CACNG2: variants seen among roughly 807,000 people sequenced by gnomAD.
CACNG2 encodes the protein calcium voltage-gated channel auxiliary subunit gamma 2.
In CACNG2, 3 loss-of-function variants were observed where a neutral mutation model predicts 25.9. The ratio of observed to expected loss-of-function variants is 0.12; its 90% CI spans 0.05 to 0.30. The LOEUF (loss-of-function observed/expected upper bound fraction) is 0.30. CACNG2 is among the 10% of genes least tolerant of loss of function. The pLI, the probability that CACNG2 is intolerant of heterozygous loss-of-function variation, is 1.00. For missense variants in CACNG2, 341 were observed against 432.5 expected (o/e 0.79, Z 1.88); for synonymous variants, 167 against 173.3 (o/e 0.96, Z 0.29).
At chr22:36,603,915 A>G (rs142495140) in intron 1 of CACNG2, among the ~76,000 whole-genome samples, 255 of 152,346 alleles carry the variant, frequency 1.7e-3, no homozygotes, top group Non-Finnish European at 3.2e-3. Context: ...ATCAAGAAGT[A>G]ATTTTGACTT....
chr22:36,638,626 C>G (rs956745164), intron 1 of CACNG2, among the ~76,000 whole-genome samples: 1 of 152,186 alleles, frequency 6.6e-6, no homozygotes, highest in African/African-American at 2.4e-5. Flanking sequence ...CCACACTCCT[C>G]TCTTTAGTAC....
intron 1 of CACNG2, among the ~76,000 whole-genome samples, chr22:36,643,372 C>T (rs1476983497): frequency 1.3e-5 from 2 of 151,846 alleles, no homozygotes; most frequent in East Asian, 1.9e-4. Context: ...CAACTATATG[C>T]TGTGCCCTAT....
chr22:36,690,580 A>G (rs73884140), intron 1 of CACNG2, among the ~76,000 whole-genome samples: 4,658 of 152,222 alleles, frequency 0.031, 256 homozygotes, highest in African/African-American at 0.11. Flanking sequence ...TCCCACCAAA[A>G]TTTCACAAGC....
chr22:36,590,567 A>T (rs1383759789), intron 1 of CACNG2, among the ~76,000 whole-genome samples: 1 of 151,924 alleles, frequency 6.6e-6, no homozygotes, highest in Non-Finnish European at 1.5e-5. Flanking sequence ...AACTTGCCTG[A>T]TGTCTCTGAG....
At chr22:36,656,767 G>C (rs1936712324) in intron 1 of CACNG2, among the ~76,000 whole-genome samples, 1 of 152,198 alleles carries the variant, frequency 6.6e-6, no homozygotes, top group South Asian at 2.1e-4. Flanking sequence ...CCCCAGACAT[G>C]AGCATGGCTC....
At chr22:36,630,318 T>G (rs1440107846) in intron 1 of CACNG2, among the ~76,000 whole-genome samples, 1 of 152,058 alleles carries the variant, frequency 6.6e-6, no homozygotes, top group Admixed American at 6.5e-5. Context: ...CAGTTTGGGA[T>G]CATATTCTGA....
chr22:36,617,781 G>A (rs753834767), intron 1 of CACNG2, among the ~76,000 whole-genome samples: 58 of 151,050 alleles, frequency 3.8e-4, no homozygotes, highest in Non-Finnish European at 7.4e-4. Context: ...CCCTGAGCCT[G>A]TTTGTTCACC....
chr22:36,609,836 TC>T (rs1935907900), intron 1 of CACNG2, among the ~76,000 whole-genome samples: 1 of 128,830 alleles, frequency 7.8e-6, no homozygotes, highest in Non-Finnish European at 1.6e-5. Flanking sequence ...ACGAATCAGT[TC>T]CCCAGAGTTT....
intron 1 of CACNG2, among the ~76,000 whole-genome samples, chr22:36,633,982 G>T (rs1416272974): frequency 6.6e-6 from 1 of 152,216 alleles, no homozygotes; most frequent in Non-Finnish European, 1.5e-5. Context: ...ACCCCAGAAG[G>T]AGAGGACCCC....
intron 1 of CACNG2, among the ~76,000 whole-genome samples, chr22:36,627,694 C>T (rs116945216): frequency 0.012 from 1,782 of 150,298 alleles, 8 homozygotes; most frequent in Non-Finnish European, 0.02. Flanking sequence ...ACCATCATAG[C>T]TCACTGCAGC....
chr22:36,603,958 A>G (rs1016851724), intron 1 of CACNG2, among the ~76,000 whole-genome samples: 2 of 152,242 alleles, frequency 1.3e-5, no homozygotes, highest in African/African-American at 4.8e-5. Context: ...TACATTTCAT[A>G]AGGCTATAGC....
chr22:36,577,457 C>T (rs1330398674), intron 2 of CACNG2, among the ~76,000 whole-genome samples: 1 of 151,932 alleles, frequency 6.6e-6, no homozygotes, highest in Non-Finnish European at 1.5e-5. Context: ...CGAGACCATC[C>T]TGGCCAACAT....
chr22:36,619,360 C>T (rs544418277), intron 1 of CACNG2, among the ~76,000 whole-genome samples: 193 of 152,178 alleles, frequency 1.3e-3, no homozygotes, highest in Middle Eastern at 3.2e-3. Context: ...CTTACGCTCA[C>T]GCTCACAGCT....
intron 1 of CACNG2, among the ~76,000 whole-genome samples, chr22:36,590,841 T>A (rs1433470466): frequency 2.0e-5 from 3 of 151,770 alleles, no homozygotes; most frequent in Non-Finnish European, 4.4e-5. Context: ...CCTCCCTCCC[T>A]GTGCATCTCT....
chr22:36,616,179 C>T (rs1758725458), intron 1 of CACNG2, among the ~76,000 whole-genome samples: 1 of 152,104 alleles, frequency 6.6e-6, no homozygotes, highest in Admixed American at 6.6e-5. Flanking sequence ...AAGAATAATC[C>T]TCCTAGTGTT....
intron 2 of CACNG2, among the ~76,000 whole-genome samples, chr22:36,580,301 G>A (rs1332642023): frequency 1.3e-5 from 2 of 152,078 alleles, no homozygotes; most frequent in Non-Finnish European, 2.9e-5. Context: ...TGCCTTGGCC[G>A]CCTTCTGCCT....
chr22:36,566,865 C>CTTTCAAATGTCT (rs1935136385), intron 2 of CACNG2, among the ~76,000 whole-genome samples: 1 of 152,260 alleles, frequency 6.6e-6, no homozygotes, highest in Non-Finnish European at 1.5e-5. Flanking sequence ...AAATACAGAG[C>CTTTCAAATGTCT]TTCCTACTGG....
intron 1 of CACNG2, among the ~76,000 whole-genome samples, chr22:36,600,065 A>G (rs537628299): frequency 1.3e-5 from 2 of 152,194 alleles, no homozygotes; most frequent in East Asian, 3.9e-4. Flanking sequence ...TGGCAAGTGG[A>G]CTAAGGAGCT....
intron 1 of CACNG2, among the ~76,000 whole-genome samples, chr22:36,633,150 C>A (rs747962702): frequency 1.3e-5 from 2 of 152,202 alleles, no homozygotes; most frequent in Non-Finnish European, 2.9e-5. Flanking sequence ...GATCATTCTG[C>A]ATCCTTCTTA....
Sources: allele counts gnomAD v4.1 joint callset (sites outside exome capture counted in the v4.1 genomes callset), GRCh38; gene constraint gnomAD v4.1.1; transcripts MANE v1.5; gene names NCBI Gene and HGNC (gene_info 2026-07-23, HGNC 2026-07-21).